The following CNNM2 variants were observed in gnomAD, a reference collection of about 807,000 sequenced individuals.
The protein encoded by CNNM2 is cyclin and CBS domain divalent metal cation transport mediator 2.
CNNM2 carries 12 observed loss-of-function variants against 66.9 expected under a neutral mutation model. The observed-to-expected ratio is 0.18, with a 90% CI of 0.11 to 0.29. The LOEUF (loss-of-function observed/expected upper bound fraction) is 0.29, where lower values mean the gene tolerates loss of function less well. Ranked by LOEUF, CNNM2 falls within the 10% of genes least tolerant of loss-of-function variation. The probability of loss-of-function intolerance (pLI) is 1.00; values close to 1 mark genes in which losing one functional copy is unlikely to be tolerated. For missense variants in CNNM2, 705 were observed against 1,167.7 expected, an observed-to-expected ratio of 0.60 and a Z score of 5.77; for synonymous variants, 557 against 501.8, an observed-to-expected ratio of 1.11 and a Z score of -1.47.
intron 1 of CNNM2, among the ~76,000 whole-genome samples, chr10:103,049,342 T>C (rs886518638): frequency 1.3e-5 from 2 of 152,224 alleles, no homozygotes; most frequent in African/African-American, 4.8e-5. Context: ...TTGGGCCTCA[T>C]GGACCTCCTA....
chr10:103,025,166 G>C (rs1238531922), intron 1 of CNNM2, among the ~76,000 whole-genome samples: 1 of 151,898 alleles, frequency 6.6e-6, no homozygotes, highest in African/African-American at 2.4e-5. Context: ...ATCTCCGCTC[G>C]CGGCAACCTC....
Position 102,919,003 on chromosome 10 carries a change from A to G in CNNM2, c.523A>G (p.Ile175Val). ...LNRRTSGIIE[I>V]EIKPLRKMEK... ...CCGCCGCACCTCGGGCATCATCGAG[A>G]TCGAGATCAAACCGCTACGCAAGAT... is the stretch of plus-strand genomic sequence containing the variant. Residue 175 changes from isoleucine to valine, a missense_variant, in exon 1 of 8, where the codon ATC (isoleucine) becomes GTC (valine). Ile to Val is a conservative substitution (Grantham distance 29). Around this residue, in one of 9 missense-constraint regions of CNNM2, gnomAD observed 100 missense variants for 151.9 expected, o/e 0.66. Transcript: ENST00000369878. The G allele has an allele frequency of 6.2e-7, 1 of 1,612,736 alleles. No individual in the cohort carries two copies. The highest frequency in any genetic ancestry group is 8.5e-7 in the Non-Finnish European group (1 of 1,179,498).
At chr10:102,972,419 G>A (rs1289390393) in intron 1 of CNNM2, among the ~76,000 whole-genome samples, 1 of 152,060 alleles carries the variant, frequency 6.6e-6, no homozygotes, top group Admixed American at 6.6e-5. Context: ...GGCGAATCAC[G>A]AGGTCAGGAG....
At chr10:102,947,033 T>C (rs1477686018) in intron 1 of CNNM2, among the ~76,000 whole-genome samples, 1 of 152,128 alleles carries the variant, frequency 6.6e-6, no homozygotes, top group African/African-American at 2.4e-5. Context: ...GTTGATGAGA[T>C]AGGACATGTG....
At chr10:103,037,523 C>G (rs897853362) in intron 1 of CNNM2, among the ~76,000 whole-genome samples, 9 of 151,896 alleles carry the variant, frequency 5.9e-5, no homozygotes, top group African/African-American at 2.2e-4. Flanking sequence ...TTGTAAAAAT[C>G]AGGGTCAAAT....
chr10:103,014,407 G>A (rs2064402470), intron 1 of CNNM2, among the ~76,000 whole-genome samples: 1 of 152,106 alleles, frequency 6.6e-6, no homozygotes, highest in South Asian at 2.1e-4. Flanking sequence ...TCTTGATGTA[G>A]GTATTAATAG....
In CNNM2 at chr10:102,988,587, G is replaced by A. The variant is rs536079222; in HGVS notation, c.1622-61120G>A. On this transcript the variant is annotated intron_variant, in intron 1 of 7. Transcript: ENST00000369878. ...ACACACATACTTTGGCATACAGTTT[G>A]AGTGAATGTCTCGTTCTGCAGCTGC... Among the ~76,000 whole-genome samples the A allele has an allele frequency of 3.4e-4, 52 of 152,200 alleles. 1 individual carries two copies. The South Asian group carries it at 0.01, about 30-fold the overall frequency.
At chr10:102,944,699 G>A (rs1233996678) in intron 1 of CNNM2, among the ~76,000 whole-genome samples, 7 of 151,566 alleles carry the variant, frequency 4.6e-5, no homozygotes, top group African/African-American at 1.7e-4. Flanking sequence ...ACTTCAGCAT[G>A]TATCTCTTAA....
chr10:102,950,981 CTTTTTTTTTT>C lies in CNNM2; in HGVS notation c.1621+30895_1621+30904del, dbSNP rs34870588. ...GGGGCAATAGGAATTCTTTCTTTCT[CTTTTTTTTTT>C]TTTTTTTTTTTTTTGAGATGGAGTC... On this transcript the variant is annotated intron_variant, in intron 1 of 7. Coordinates refer to ENST00000369878, the MANE Select transcript of CNNM2 (RefSeq NM_017649.5). 5.2e-4 allele frequency among the ~76,000 whole-genome samples: 42 copies of C among 80,510 alleles called. 1 individual carries two copies. The highest frequency in any genetic ancestry group is 8.2e-4 in the East Asian group (2 of 2,436). 52.8% of individuals were successfully genotyped at this position (80,510 alleles called of 152,430 possible).
At chr10:102,932,924 A>C (rs1203425409) in intron 1 of CNNM2, among the ~76,000 whole-genome samples, 1 of 151,944 alleles carries the variant, frequency 6.6e-6, no homozygotes, top group Non-Finnish European at 1.5e-5. Context: ...CTCAAAAAAA[A>C]AAAAAAAAAA....
At chr10:102,936,543 G>T (rs1306394179) in intron 1 of CNNM2, among the ~76,000 whole-genome samples, 6 of 151,490 alleles carry the variant, frequency 4.0e-5, no homozygotes, top group Non-Finnish European at 5.9e-5. Context: ...TGGTGCAATG[G>T]GGGTGGGGGA....
chr10:102,999,171 C>T (rs941750203), intron 1 of CNNM2, among the ~76,000 whole-genome samples: 19 of 150,788 alleles, frequency 1.3e-4, no homozygotes, highest in Admixed American at 1.1e-3. Context: ...CCTGGGTTCA[C>T]GCCATTCTCC....
chr10:102,965,586 T>C (rs1189136733), intron 1 of CNNM2, among the ~76,000 whole-genome samples: 2 of 152,224 alleles, frequency 1.3e-5, no homozygotes, highest in African/African-American at 4.8e-5. Flanking sequence ...TTTAATTCCC[T>C]GTAGTGTCTG....
chr10:102,985,226 A>G (rs190881176), intron 1 of CNNM2, among the ~76,000 whole-genome samples: 1 of 152,282 alleles, frequency 6.6e-6, no homozygotes, highest in African/African-American at 2.4e-5. Flanking sequence ...AACAATTTGA[A>G]TAGCGGATCC....
rs886046669 is a variant in CNNM2 at position 102,918,529 on chromosome 10, C to G, written c.49C>G (p.Gln17Glu). The change falls in exon 1 of 8, where the codon CAG (glutamine) becomes GAG (glutamate). Residue 17 changes from glutamine (Q) to glutamate (E), a missense_variant. Physicochemically the swap from Gln to Glu is conservative, Grantham distance 29 (BLOSUM62 2). Around this residue, in one of 9 missense-constraint regions of CNNM2, gnomAD observed 98 missense variants for 73.6 expected, o/e 1.33. Transcript: ENST00000369878. The surrounding 1 kb of genome is among the most constrained non-coding windows in gnomAD (Gnocchi z 4.1). ...ACCCAAAGTAAAGATGGCGGGCGGG[C>G]AGGCAGCCGCCGCACTGCCCACTTG... ...CEPKVKMAGG[Q>E]AAAALPTWKM... is the part of the protein sequence containing the mutation. The G allele has an allele frequency of 1.2e-6, 2 of 1,603,820 alleles. No homozygotes were observed. Among genetic ancestry groups the G allele is most frequent in the Non-Finnish European group, 1.7e-6 (2 of 1,177,248 alleles).
intron 1 of CNNM2, among the ~76,000 whole-genome samples, chr10:103,029,494 A>C (rs1427982093): frequency 6.6e-6 from 1 of 151,216 alleles, no homozygotes; most frequent in African/African-American, 2.4e-5. Context: ...TAAATAATCT[A>C]CCAGACACTG....
intron 1 of CNNM2, among the ~76,000 whole-genome samples, chr10:102,968,354 C>A (rs2063497728): frequency 1.3e-5 from 2 of 152,114 alleles, no homozygotes; most frequent in Non-Finnish European, 2.9e-5. Context: ...TCAAGTGATT[C>A]TCCTGCCTTA....
intron 6 of CNNM2, among the ~76,000 whole-genome samples, chr10:103,072,324 C>T (rs1385736838): frequency 2.0e-5 from 3 of 152,244 alleles, no homozygotes; most frequent in Non-Finnish European, 2.9e-5. Context: ...CCCATCCACA[C>T]AGGCGCACGA....
At chr10:102,934,488 C>T (rs1443431591) in intron 1 of CNNM2, among the ~76,000 whole-genome samples, 1 of 151,704 alleles carries the variant, frequency 6.6e-6, no homozygotes, top group Admixed American at 6.6e-5. Context: ...ACCATGTTGG[C>T]GAGGCTGGTC....
Sources: allele counts gnomAD v4.1 joint callset (sites outside exome capture counted in the v4.1 genomes callset), GRCh38; gene constraint gnomAD v4.1.1; regional missense constraint gnomAD v4.1.1; non-coding constraint Gnocchi (gnomAD v3.1); transcripts MANE v1.5; gene names NCBI Gene and HGNC (gene_info 2026-07-23, HGNC 2026-07-21).